The following CCDC33 variants were observed in gnomAD, a reference collection of about 807,000 sequenced individuals.
CCDC33 encodes coiled-coil domain-containing protein 33.
In CCDC33, 94 loss-of-function variants were observed where a neutral mutation model predicts 91.9. The ratio of observed to expected loss-of-function variants is 1.02; its 90% confidence interval spans 0.87 to 1.21. The LOEUF is 1.21. Among genes scored for constraint, CCDC33 ranks in the 50% most tolerant of loss-of-function variants. CCDC33 has a pLI of 0.00. For synonymous variants in CCDC33, 396 were observed against 374.5 expected (o/e 1.06, Z -0.66); for missense variants, 940 against 935.5 (o/e 1.00, Z -0.06).
At chr15:74,284,768 C>A (rs351208) in intron 10 of CCDC33, among the ~76,000 whole-genome samples, 1 of 152,166 alleles carries the variant, frequency 6.6e-6, no homozygotes, top group Non-Finnish European at 1.5e-5. Context: ...TAGCTGAGTA[C>A]GGTGATGAGC....
At chr15:74,322,266 G>A (rs757730033) in intron 11 of CCDC33, among the ~76,000 whole-genome samples, 1 of 152,226 alleles carries the variant, frequency 6.6e-6, no homozygotes, top group African/African-American at 2.4e-5. Context: ...CCACGGCACA[G>A]CAGGTCTAAG....
chr15:74,328,728 G>A (rs144572849), intron 11 of CCDC33, among the ~76,000 whole-genome samples: 2 of 152,176 alleles, frequency 1.3e-5, no homozygotes, highest in African/African-American at 2.4e-5. Context: ...CCCTGCTCTC[G>A]AAGCCATGGC....
chr15:74,268,493 G>GGA (rs1555411553), intron 5 of CCDC33, 35 bp downstream of exon 5: 1 of 1,449,346 alleles, frequency 6.9e-7, no homozygotes, highest in African/African-American at 1.4e-5. Context: ...GTGGTGGTGG[G>GGA]GGTGGGAAAG....
chr15:74,243,451 G>T (rs1175858997), intron 1 of CCDC33, among the ~76,000 whole-genome samples: 1 of 152,242 alleles, frequency 6.6e-6, no homozygotes, highest in African/African-American at 2.4e-5. Flanking sequence ...AGGTGAGGTG[G>T]CCTGTCTCAT....
intron 12 of CCDC33, 121 bp from the exon 13 acceptor site, chr15:74,330,542 G>C: frequency 1.8e-6 from 2 of 1,081,730 alleles, no homozygotes; most frequent in Non-Finnish European, 1.4e-6. Flanking sequence ...ATGGGAAACA[G>C]AGAATCCAGT....
upstream of CCDC33, among the ~76,000 whole-genome samples, chr15:74,232,514 C>T (rs1252056325): frequency 2.6e-5 from 4 of 152,216 alleles, no homozygotes; most frequent in East Asian, 7.7e-4. Context: ...CCCAGAGCCC[C>T]CACACTTGGC....
At chr15:74,217,048 A>C (rs1209689652), upstream of CCDC33, among the ~76,000 whole-genome samples, 4 of 152,242 alleles carry the variant, frequency 2.6e-5, no homozygotes, top group African/African-American at 9.6e-5. Flanking sequence ...TGTTCAAGAA[A>C]TATTTGTTGA....
intron 2 of CCDC33, among the ~76,000 whole-genome samples, chr15:74,254,438 C>A (rs2075799407): frequency 6.6e-6 from 1 of 152,220 alleles, no homozygotes; most frequent in Non-Finnish European, 1.5e-5. Flanking sequence ...TCTCTGGGCC[C>A]CTCATTGTTC....
intron 11 of CCDC33, among the ~76,000 whole-genome samples, chr15:74,304,955 T>TC (rs2059866698): frequency 6.6e-6 from 1 of 152,002 alleles, no homozygotes; most frequent in African/African-American, 2.4e-5. Context: ...TCTTCTTTTT[T>TC]TTTTTTTAGA....
chr15:74,330,790 T>C lies in CCDC33; in HGVS notation c.1545+39T>C, dbSNP rs763089736. 3.9e-6 allele frequency: 6 copies of C among 1,527,924 alleles called. No homozygotes were observed. The East Asian group carries it at 9.0e-5, about 23-fold the overall frequency. The allele number at this position is 1,527,924 out of a possible 1,614,324, so 94.6% of individuals were successfully genotyped here. ...TGTGGGGGCAGAGGGGAGGGAGCTA[T>C]GGTGGGGGAGCATCGGGGTGAGAAG... On this transcript the variant is annotated intron_variant, in intron 13 of 18. Transcript: ENST00000398814.
At chr15:74,332,965 G>A in intron 16 of CCDC33, 120 bp downstream of exon 16, 1 of 1,211,942 alleles carries the variant, frequency 8.3e-7, no homozygotes, top group Non-Finnish European at 1.1e-6. Context: ...TCTCCAGTCT[G>A]CCTGGGGGCT....
chr15:74,289,142 C>T (rs975763656), intron 10 of CCDC33, among the ~76,000 whole-genome samples: 2 of 152,170 alleles, frequency 1.3e-5, no homozygotes, highest in African/African-American at 4.8e-5. Flanking sequence ...CCACCAGCTT[C>T]GCATCCATAA....
At position 74,245,539 on chromosome 15, in the gene CCDC33, G is replaced by A. The variant is rs554575721; in HGVS notation, c.185+1391G>A. Reference sequence around the variant, plus strand: ...TCGCCGATCATCTCGGGAGATTGAGGCCCTGACTGTCACCAATCCGGCCTG... The same window carrying A: ...TCGCCGATCATCTCGGGAGATTGAGACCCTGACTGTCACCAATCCGGCCTG... On this transcript the variant is annotated intron_variant, in intron 2 of 18. Transcript: ENST00000398814. Among the ~76,000 whole-genome samples, 5 of 152,340 alleles carry A rather than the reference G, an allele frequency of 3.3e-5. No homozygotes were observed. The East Asian group carries it at 9.6e-4, about 29-fold the overall frequency.
rs985951543 is a variant in CCDC33, at chr15:74,312,138, G to A, written c.1290+16190G>A. ...GGAAGGTGCCCATCAGAGTCCAGAAGGACTGGCAAAACTAGAATGTAAACC... is the reference window on the plus strand; with the variant it reads ...GGAAGGTGCCCATCAGAGTCCAGAAAGACTGGCAAAACTAGAATGTAAACC... On this transcript the variant is annotated intron_variant, in intron 11 of 18. Coordinates refer to ENST00000398814, the MANE Select transcript of CCDC33 (RefSeq NM_025055.5). Among the ~76,000 whole-genome samples, 21 of 152,328 alleles carry A rather than the reference G, an allele frequency of 1.4e-4. 1 individual carries two copies. In the South Asian group the frequency reaches 1.9e-3, roughly 14 times the overall value.
rs547694455 is a variant in CCDC33 at position 74,288,945 on chromosome 15, A to C, written c.1096-6809A>C. Among the ~76,000 whole-genome samples, 3 of 152,354 alleles carry C rather than the reference A, an allele frequency of 2.0e-5. No homozygotes were observed. The South Asian group carries it at 6.2e-4, about 32-fold the overall frequency. ...GAACATAGTGAAGATTGAATGAGGA[A>C]GCATGTGCAGGTAACCTAGCACAGT... On this transcript the variant is annotated intron_variant, in intron 10 of 18. Coordinates refer to ENST00000398814, the MANE Select transcript of CCDC33 (RefSeq NM_025055.5).
At chr15:74,270,088 G>T (rs961658761) in intron 5 of CCDC33, among the ~76,000 whole-genome samples, 1 of 152,198 alleles carries the variant, frequency 6.6e-6, no homozygotes, top group African/African-American at 2.4e-5. Flanking sequence ...CTTTGAATGT[G>T]ATGAAGGGAT....
chr15:74,335,167 C>T, intron 18 of CCDC33, 79 bp downstream of exon 18: 1 of 1,153,692 alleles, frequency 8.7e-7, no homozygotes, highest in Non-Finnish European at 1.3e-6. Context: ...AGTCACTGGG[C>T]CCTGAGAAAA....
intron 1 of CCDC33, among the ~76,000 whole-genome samples, chr15:74,241,691 CAG>C (rs2075354430): frequency 6.6e-6 from 1 of 152,176 alleles, no homozygotes. Context: ...GGAGAGGAAA[CAG>C]AACTCCATCA....
chr15:74,332,486 G>A (rs770353277), intron 15 of CCDC33, among the ~76,000 whole-genome samples, 193 bp from the exon 16 acceptor site: 38 of 152,200 alleles, frequency 2.5e-4, no homozygotes, highest in African/African-American at 5.6e-4. Context: ...TAGAGAGAAC[G>A]TTGAGGTCAG....
Sources: allele counts gnomAD v4.1 joint callset (sites outside exome capture counted in the v4.1 genomes callset), GRCh38; gene constraint gnomAD v4.1.1; transcripts MANE v1.5; gene names NCBI Gene and HGNC (gene_info 2026-07-23, HGNC 2026-07-21).